Variants in RYR2 observed in about 807,000 individuals in gnomAD.
The protein encoded by RYR2 is cardiac muscle ryanodine receptor-calcium release channel.
Under a neutral mutation model 601.1 loss-of-function variants are expected in RYR2, and 227 were observed. The observed-to-expected ratio is 0.38, with a 90% CI of 0.34 to 0.42. The LOEUF (loss-of-function observed/expected upper bound fraction) is 0.42. Ranked by LOEUF, RYR2 falls within the 10% of genes least tolerant of loss-of-function variation. The pLI, the probability that RYR2 is intolerant of heterozygous loss-of-function variation, is 1.00. For missense variants in RYR2, 4,646 were observed against 6,156.5 expected, an observed-to-expected ratio of 0.75 and a Z score of 8.21; for synonymous variants, 2,223 against 2,175.1, an observed-to-expected ratio of 1.02 and a Z score of -0.61.
rs540984275 is a variant in RYR2 at position 237,832,587 on chromosome 1, T to C, written c.14844T>C (p.Cys4948=). The C allele has an allele frequency of 2.0e-5, 33 of 1,612,850 alleles. No individual in the cohort carries two copies. The African/African-American group carries it at 3.6e-4, about 18-fold the overall frequency. The part of the protein sequence containing the change: ...SYVWKMYQER[C]WEFFPAGDCF... ...TCTGGAAGATGTATCAAGAAAGGTG[T>C]TGGGAATTTTTCCCAGCAGGGGATT... The change falls in exon 105 of 105, where the codon TGT becomes TGC. Residue 4948 remains cysteine (C), a synonymous_variant. Transcript: ENST00000366574.
intron 23 of RYR2, among the ~76,000 whole-genome samples, chr1:237,511,162 G>C (rs892832792): frequency 6.6e-6 from 1 of 152,054 alleles, no homozygotes; most frequent in Non-Finnish European, 1.5e-5. Context: ...GACATACCAG[G>C]CATGTTTAAG....
intron 36 of RYR2, among the ~76,000 whole-genome samples, chr1:237,612,551 C>A (rs1229527760): frequency 2.0e-5 from 3 of 151,900 alleles, no homozygotes; most frequent in African/African-American, 7.3e-5. Context: ...AATTAGATAT[C>A]TTTCATAATG....
intron 22 of RYR2, among the ~76,000 whole-genome samples, chr1:237,505,063 T>A (rs1665077253): frequency 6.6e-6 from 1 of 152,200 alleles, no homozygotes; most frequent in Non-Finnish European, 1.5e-5. Context: ...TTAGCTGACT[T>A]TTATCTTGGG....
Position 237,412,962 on chromosome 1 carries a change from G to C in RYR2, c.774-4087G>C, listed in dbSNP as rs140474804. On this transcript the variant is annotated intron_variant, in intron 10 of 104. Coordinates refer to ENST00000366574, the MANE Select transcript of RYR2 (RefSeq NM_001035.3). ...TACTTGAAATGCATTGCAGGGAAAAGGGACAATCCCTTAATGGAGCAGGTG... is the reference window on the plus strand; with the variant it reads ...TACTTGAAATGCATTGCAGGGAAAACGGACAATCCCTTAATGGAGCAGGTG... Among the ~76,000 whole-genome samples, 729 of 152,216 alleles carry C rather than the reference G, an allele frequency of 4.8e-3. 9 individuals are homozygous for C. Among genetic ancestry groups the C allele is most frequent in the African/African-American group, 0.017 (699 of 41,544 alleles).
At chr1:237,384,964 A>C (rs1391482509) in intron 8 of RYR2, among the ~76,000 whole-genome samples, 4 of 151,902 alleles carry the variant, frequency 2.6e-5, no homozygotes. Context: ...ATCTCGGCTC[A>C]CTGCAAGCTC....
At position 237,160,704 on chromosome 1, in the gene RYR2, A is replaced by G. The variant is rs148159063; in HGVS notation, c.49-109793A>G. On this transcript the variant is annotated intron_variant, in intron 1 of 104. Coordinates refer to ENST00000366574, the MANE Select transcript of RYR2 (RefSeq NM_001035.3). ...TTCTTTTCTGGGAAGGTGAGATTTT[A>G]CAGACTCAAGGTGATTGGTTTAAAC... Among the ~76,000 whole-genome samples the G allele has an allele frequency of 2.4e-3, 365 of 152,166 alleles. 1 individual carries two copies. Among genetic ancestry groups the G allele is most frequent in the African/African-American group, 8.4e-3 (350 of 41,526 alleles).
chr1:237,258,970 C>T (rs1358919692), intron 1 of RYR2, among the ~76,000 whole-genome samples: 3 of 151,922 alleles, frequency 2.0e-5, no homozygotes, highest in Admixed American at 2.0e-4. Context: ...CTGCCTTCTG[C>T]TTGGCCAGCT....
chr1:237,760,837 G>A, intron 83 of RYR2, 118 bp from the exon 84 acceptor site: 10 of 431,476 alleles, frequency 2.3e-5, no homozygotes, highest in Non-Finnish European at 4.3e-5. Context: ...CATGTTTTCA[G>A]TGTACGTTAA....
At chr1:237,631,236 C>T (rs1176429293) in intron 41 of RYR2, among the ~76,000 whole-genome samples, 191 bp from the exon 42 acceptor site, 2 of 152,080 alleles carry the variant, frequency 1.3e-5, no homozygotes, top group Admixed American at 1.3e-4. Flanking sequence ...CATTCGTCAA[C>T]CAATTTTGGT....
chr1:237,628,798 TAAAA>T, intron 41 of RYR2, among the ~76,000 whole-genome samples: 1 of 151,540 alleles, frequency 6.6e-6, no homozygotes, highest in Admixed American at 6.6e-5. Flanking sequence ...ATTAAAAAAA[TAAAA>T]AAACACATTG....
intron 24 of RYR2, among the ~76,000 whole-genome samples, chr1:237,516,401 G>C (rs967745799): frequency 6.6e-6 from 1 of 152,144 alleles, no homozygotes; most frequent in Non-Finnish European, 1.5e-5. Flanking sequence ...TTGCAGGCGT[G>C]AGCCACTGTG....
Position 237,631,423 on chromosome 1 carries a change from C to G in RYR2, c.6441-4C>G. The G allele has an allele frequency of 1.3e-6, 2 of 1,595,078 alleles. No homozygotes were observed. Among genetic ancestry groups the G allele is most frequent in the Non-Finnish European group, 1.7e-6 (2 of 1,163,704 alleles). On this transcript the variant is annotated splice_region_variant and splice_polypyrimidine_tract_variant and intron_variant, in intron 41 of 104. Transcript: ENST00000366574. ...TTACCCCATACGTCCATTGTCCTTT[C>G]TAGGGATATTATGAATAACAAAGTG... is the stretch of plus-strand genomic sequence containing the variant.
chr1:237,367,970 T>A (rs964918520), intron 5 of RYR2, among the ~76,000 whole-genome samples: 1 of 152,084 alleles, frequency 6.6e-6, no homozygotes, highest in African/African-American at 2.4e-5. Flanking sequence ...GAGTTTTCAG[T>A]CTGATCAAGG....
chr1:237,764,517 C>T (rs1409028300), intron 84 of RYR2, among the ~76,000 whole-genome samples: 2 of 146,916 alleles, frequency 1.4e-5, no homozygotes, highest in African/African-American at 5.0e-5. Context: ...GGTGCAGTCT[C>T]ATCTCACTGC....
At chr1:237,365,759 G>T (rs1485249895) in intron 5 of RYR2, among the ~76,000 whole-genome samples, 6 of 152,268 alleles carry the variant, frequency 3.9e-5, no homozygotes, top group South Asian at 2.1e-4. Flanking sequence ...GTACAATATT[G>T]TATGGACTTC....
At chr1:237,623,434 C>T (rs1416575313) in intron 38 of RYR2, among the ~76,000 whole-genome samples, 1 of 116,124 alleles carries the variant, frequency 8.6e-6, no homozygotes, top group Non-Finnish European at 1.8e-5. Flanking sequence ...TGTGTCGCCG[C>T]CCAGGCTGGA....
At chr1:237,085,217 T>A (rs1410335986) in intron 1 of RYR2, among the ~76,000 whole-genome samples, 2 of 152,202 alleles carry the variant, frequency 1.3e-5, no homozygotes, top group Non-Finnish European at 2.9e-5. Context: ...AGGGTAGTGT[T>A]TACAGTGACT....
intron 4 of RYR2, among the ~76,000 whole-genome samples, chr1:237,357,058 T>A (rs1277483024): frequency 6.6e-6 from 1 of 152,076 alleles, no homozygotes; most frequent in African/African-American, 2.4e-5. Context: ...GTCTTTTTTT[T>A]TAAATTTTTT....
chr1:237,669,629 G>A (rs1435455918), intron 58 of RYR2, among the ~76,000 whole-genome samples: 3 of 152,026 alleles, frequency 2.0e-5, no homozygotes, highest in Non-Finnish European at 4.4e-5. Flanking sequence ...GCCGGGCAGA[G>A]ACGCTCCTCA....
Sources: gnomAD v4.1 joint callset for allele counts (sites outside exome capture counted in the v4.1 genomes callset) on GRCh38, gnomAD v4.1.1 for gene constraint, MANE v1.5 for transcripts, NCBI Gene and HGNC (gene_info 2026-07-23, HGNC 2026-07-21) for gene names.